Variants in TRMT44 observed in about 807,000 individuals in gnomAD.
TRMT44 encodes tRNA methyltransferase 44 homolog, also known as probable tRNA (uracil-O(2)-)-methyltransferase.
In TRMT44, 78 loss-of-function variants were observed where a neutral mutation model predicts 77.3. That is an observed-to-expected ratio of 1.01 (90% CI 0.84 to 1.22). TRMT44 has a LOEUF of 1.22. Among genes scored for constraint, TRMT44 ranks in the 50% most tolerant of loss-of-function variants. TRMT44 has a pLI of 0.00. For synonymous variants in TRMT44, 391 were observed against 383.3 expected, an observed-to-expected ratio of 1.02 and a Z score of -0.23; for missense variants, 1,090 against 964.4, an observed-to-expected ratio of 1.13 and a Z score of -1.73.
rs1431195750 is a variant in TRMT44, at chr4:8,441,385, C to G, written c.563C>G (p.Pro188Arg). ...GACGTGGTTCTCAGAACCGTCATCC[C>G]GAAAACTAGCCCACATTGCCCCCTT... ...ELDVVLRTVI[P>R]KTSPHCPLTT... Residue 188 changes from proline (P) to arginine (R), a missense_variant, in exon 1 of 11, where the codon CCG becomes CGG. By Grantham distance (103) the Pro-to-Arg change is moderately radical. Coordinates refer to ENST00000389737, the MANE Select transcript of TRMT44 (RefSeq NM_152544.3). The G allele has an allele frequency of 6.5e-7, 1 of 1,531,282 alleles. No individual in the cohort carries two copies. The highest frequency in any genetic ancestry group is 1.4e-5 in the African/African-American group (1 of 72,986). The allele number at this position is 1,531,282 out of a possible 1,614,324, so 94.9% of individuals were successfully genotyped here.
intron 2 of TRMT44, among the ~76,000 whole-genome samples, chr4:8,486,804 C>T (rs1413422673): frequency 1.7e-4 from 26 of 151,956 alleles, no homozygotes; most frequent in Non-Finnish European, 1.8e-4. Context: ...AACTGTAAAC[C>T]GGACGGGGTG....
rs2109138989 is a variant in TRMT44 at position 8,461,875 on chromosome 4, C to T, written c.1204-2110C>T. Among the ~76,000 whole-genome samples the T allele has an allele frequency of 6.6e-6, 1 of 152,302 alleles. No homozygotes were observed. Among genetic ancestry groups the T allele is most frequent in the Non-Finnish European group, 1.5e-5 (1 of 68,026 alleles). ...TTTCTAGTGAATGATTTCCTTCCAG[C>T]TGCAGTTGAGTGGTTTCCACGAACA... On this transcript the variant is annotated intron_variant, in intron 6 of 10. Coordinates refer to ENST00000389737, the MANE Select transcript of TRMT44 (RefSeq NM_152544.3). The surrounding 1 kb of genome is among the most constrained non-coding windows in gnomAD (Gnocchi z 4.6).
the TRMT44 span, among the ~76,000 whole-genome samples, chr4:8,500,884 A>G: frequency 2.6e-5 from 4 of 151,434 alleles, no homozygotes; most frequent in Non-Finnish European, 4.4e-5. Context: ...CTGTTCTTGA[A>G]CTCCTGGCCT....
intron 6 of TRMT44, among the ~76,000 whole-genome samples, chr4:8,463,405 G>A (rs897116881): frequency 1.3e-5 from 2 of 152,204 alleles, no homozygotes. Flanking sequence ...AGAATGGTTA[G>A]AGTGCCTATT....
chr4:8,476,284 C>T lies in TRMT44; in HGVS notation c.*283C>T, dbSNP rs1278968136. 4.2e-6 allele frequency: 2 copies of T among 478,026 alleles called. No individual in the cohort carries two copies. The highest frequency in any genetic ancestry group is 7.6e-6 in the Non-Finnish European group (2 of 263,608). 29.6% of individuals were successfully genotyped at this position (478,026 alleles called of 1,614,324 possible). A position where few individuals can be genotyped will look rare whatever the true frequency, so the allele number is the denominator to read the frequency against. Reference sequence around the variant, plus strand: ...CATAAAGATTGTGCACGGATCCTTACAATGTCTCCTGGGGGAGAGCGGCTG... The same window carrying T: ...CATAAAGATTGTGCACGGATCCTTATAATGTCTCCTGGGGGAGAGCGGCTG... On this transcript the variant is annotated 3_prime_UTR_variant, in exon 11 of 11. Transcript: ENST00000389737.
chr4:8,502,187 T>C, the TRMT44 span, among the ~76,000 whole-genome samples: 4 of 152,214 alleles, frequency 2.6e-5, no homozygotes, highest in African/African-American at 9.6e-5. Context: ...GTTTTCAGAA[T>C]ACTCTGCCAG....
At chr4:8,442,067 C>T (rs1337264240) in intron 1 of TRMT44, among the ~76,000 whole-genome samples, 1 of 152,224 alleles carries the variant, frequency 6.6e-6, no homozygotes, top group African/African-American at 2.4e-5. Flanking sequence ...AACTAGGAGC[C>T]TGCATGTCTG....
rs112944169 is a variant in TRMT44, at chr4:8,465,395, G to A, written c.1328G>A (p.Arg443His). Residue 443 changes from arginine (R) to histidine (H), a missense_variant, in exon 8 of 11, where the codon CGC becomes CAC. Arg to His is a conservative substitution (Grantham distance 29). Transcript: ENST00000389737. ...TTTTGAAGGTCTTCCTACAATTGCC[G>A]CTTCTTTGTCCTCCCCTGCTGCTTC... The part of the protein sequence containing the change: ...VIAARSSYNC[R>H]FFVLPCCFFD... The A allele has an allele frequency of 5.6e-6, 9 of 1,611,860 alleles. No individual in the cohort carries two copies. In the East Asian group the frequency reaches 8.9e-5, roughly 16 times the overall value.
In TRMT44 at chr4:8,441,341, A is replaced by G. The variant is rs1199455053; in HGVS notation, c.519A>G (p.Pro173=). The change falls in exon 1 of 11, where the codon CCA becomes CCG. Residue 173 remains proline, a synonymous_variant. Coordinates refer to ENST00000389737, the MANE Select transcript of TRMT44 (RefSeq NM_152544.3). ...FLTSSGAGSQ[P]EAQRELDVVL... ...CCAGCTCCGGGGCGGGATCGCAGCC[A>G]GAGGCGCAGCGTGAGCTCGACGTGG... 20 of 1,535,428 alleles carry G rather than the reference A, an allele frequency of 1.3e-5. No homozygotes were observed. Among genetic ancestry groups the G allele is most frequent in the Non-Finnish European group, 1.7e-5 (20 of 1,146,542 alleles).
the TRMT44 span, among the ~76,000 whole-genome samples, chr4:8,511,266 G>A: frequency 6.6e-6 from 1 of 152,196 alleles, no homozygotes; most frequent in Non-Finnish European, 1.5e-5. Context: ...ACGTCCAGAG[G>A]GACAGGCCTG....
chr4:8,482,792 G>T (rs552493268), intron 2 of TRMT44, among the ~76,000 whole-genome samples: 4 of 151,966 alleles, frequency 2.6e-5, no homozygotes, highest in African/African-American at 9.7e-5. Flanking sequence ...GGGCATATAC[G>T]TGCAAGTCAC....
chr4:8,477,261 G>A (rs1026872595), downstream of TRMT44: 2 of 152,282 alleles, frequency 1.3e-5, no homozygotes, highest in Non-Finnish European at 2.9e-5. Context: ...AGGCACCTCA[G>A]CTCTGCAGCA....
At position 8,475,826 on chromosome 4, in the gene TRMT44, CAAA is replaced by C; in HGVS notation, c.2100_2102del (p.Lys701del). 1 of 1,614,172 alleles carries C rather than the reference CAAA, an allele frequency of 6.2e-7. No individual in the cohort carries two copies. ...TGGCGAGAGGAGACACTGTGGAAGA[CAAA>C]GCAACCGGAAGCGAAACAGAGACTG... On this transcript the variant is annotated inframe_deletion, in exon 11 of 11. Transcript: ENST00000389737.
At chr4:8,448,580 C>T (rs904815820) in intron 2 of TRMT44, among the ~76,000 whole-genome samples, 7 of 152,220 alleles carry the variant, frequency 4.6e-5, no homozygotes, top group Admixed American at 1.3e-4. Context: ...ATCTCTGCAG[C>T]GCGCAGGGGC....
chr4:8,462,060 G>T (rs1314049902), intron 6 of TRMT44, among the ~76,000 whole-genome samples: 1 of 152,204 alleles, frequency 6.6e-6, no homozygotes, highest in African/African-American at 2.4e-5. Flanking sequence ...TCTTAATTGT[G>T]TGAACCTGTA....
At chr4:8,511,799 G>T in the TRMT44 span, 2 of 151,574 alleles carry the variant, frequency 1.3e-5, no homozygotes, top group Non-Finnish European at 2.9e-5. Flanking sequence ...ATTTAAAACT[G>T]CATTATTTGC....
intron 2 of TRMT44, among the ~76,000 whole-genome samples, chr4:8,482,763 C>T (rs1315010899): frequency 1.3e-5 from 2 of 152,150 alleles, no homozygotes; most frequent in African/African-American, 4.8e-5. Context: ...TGTGATTCTT[C>T]AGTTACTTCA....
chr4:8,486,027 G>A (rs1351390362), intron 2 of TRMT44, among the ~76,000 whole-genome samples: 1 of 152,152 alleles, frequency 6.6e-6, no homozygotes, highest in African/African-American at 2.4e-5. Context: ...CAAGGTGATC[G>A]GGCAGCGTCA....
intron 7 of TRMT44, 57 bp from the exon 8 acceptor site, chr4:8,465,321 T>C: frequency 5.3e-6 from 8 of 1,521,834 alleles, no homozygotes; most frequent in Non-Finnish European, 2.7e-6. Context: ...GTTCCGAATT[T>C]CCTTGACTGC....
Sources: allele counts gnomAD v4.1 joint callset (sites outside exome capture counted in the v4.1 genomes callset), GRCh38; gene constraint gnomAD v4.1.1; non-coding constraint Gnocchi (gnomAD v3.1); transcripts MANE v1.5; gene names NCBI Gene and HGNC (gene_info 2026-07-23, HGNC 2026-07-21).